The following USO1 variants were observed in gnomAD, a reference collection of about 807,000 sequenced individuals.
The protein encoded by USO1 is general vesicular transport factor p115.
In USO1, 57 loss-of-function variants were observed where a neutral mutation model predicts 124.5. The ratio of observed to expected loss-of-function variants is 0.46; its 90% CI spans 0.37 to 0.57. USO1 has a LOEUF of 0.57. Ranked by LOEUF, USO1 falls within the 20% of genes least tolerant of loss-of-function variation. USO1 has a pLI of 0.00. For missense variants in USO1, 900 were observed against 1,040.6 expected (o/e 0.86, Z 1.86); for synonymous variants, 369 against 362.8 (o/e 1.02, Z -0.19).
intron 13 of USO1, chr4:75,795,353 A>G: frequency 1.4e-6 from 1 of 702,364 alleles, no homozygotes; most frequent in South Asian, 1.5e-5. Context: ...AGATCGACAG[A>G]CGGGTATGTA....
Position 75,813,334 on chromosome 4 carries a change from C to T in USO1, c.*39C>T. On this transcript the variant is annotated 3_prime_UTR_variant, in exon 24 of 24. Transcript: ENST00000514213. Reference sequence around the variant, plus strand: ...AGGAACAATAGAGATTATATCATAACTCTGAAGATGGACTCTAAACTTTGG... The same window carrying T: ...AGGAACAATAGAGATTATATCATAATTCTGAAGATGGACTCTAAACTTTGG... The T allele has an allele frequency of 6.6e-7, 1 of 1,508,564 alleles. No individual in the cohort carries two copies. Among genetic ancestry groups the T allele is most frequent in the Non-Finnish European group, 8.8e-7 (1 of 1,132,474 alleles). The allele number at this position is 1,508,564 out of a possible 1,614,324, so 93.4% of individuals were successfully genotyped here. A position where few individuals can be genotyped will look rare whatever the true frequency, so the allele number is the denominator to read the frequency against.
chr4:75,725,012 C>G (rs758462112), intron 1 of USO1, 127 bp downstream of exon 1: 2 of 927,672 alleles, frequency 2.2e-6, no homozygotes, highest in Non-Finnish European at 3.3e-6. Context: ...CCGCCTCCCC[C>G]TTTGCCCTCC....
intron 1 of USO1, among the ~76,000 whole-genome samples, chr4:75,742,085 G>T (rs1338199252): frequency 1.3e-5 from 2 of 152,202 alleles, no homozygotes; most frequent in Non-Finnish European, 1.5e-5. Flanking sequence ...TGAAGGACCT[G>T]CCTGAGGCTG....
intron 1 of USO1, among the ~76,000 whole-genome samples, chr4:75,747,639 T>G (rs1721164377): frequency 1.5e-5 from 2 of 137,480 alleles, no homozygotes; most frequent in Non-Finnish European, 3.1e-5. Flanking sequence ...AGATGGAGTC[T>G]CGCTCTGTGG....
intron 17 of USO1, among the ~76,000 whole-genome samples, chr4:75,803,465 T>C (rs1003514215): frequency 6.6e-6 from 1 of 151,936 alleles, no homozygotes; most frequent in Non-Finnish European, 1.5e-5. Flanking sequence ...CTGGCCAACA[T>C]GGTGAAACCC....
At chr4:75,750,896 C>A (rs974013585) in intron 1 of USO1, among the ~76,000 whole-genome samples, 81,223 of 152,008 alleles carry the variant, frequency 0.53, 23,438 homozygotes, top group East Asian at 0.81. Flanking sequence ...TTTCCAAATT[C>A]TTTTTTAATG....
intron 21 of USO1, among the ~76,000 whole-genome samples, chr4:75,810,071 G>T (rs1490854668): frequency 6.6e-6 from 1 of 152,176 alleles, no homozygotes; most frequent in Non-Finnish European, 1.5e-5. Context: ...CCTATCTAGG[G>T]TGGTAGTATG....
At chr4:75,783,960 A>G (rs1209418295) in intron 9 of USO1, among the ~76,000 whole-genome samples, 2 of 152,214 alleles carry the variant, frequency 1.3e-5, no homozygotes, top group Non-Finnish European at 2.9e-5. Context: ...TAGTTTTTTA[A>G]TGTTTTAGAA....
chr4:75,758,550 A>G (rs1026657317), intron 4 of USO1, among the ~76,000 whole-genome samples: 3 of 152,236 alleles, frequency 2.0e-5, no homozygotes, highest in African/African-American at 7.2e-5. Flanking sequence ...ATCATGTTGC[A>G]TAGTCACAAT....
chr4:75,784,715 C>T (rs1237588086), intron 9 of USO1, among the ~76,000 whole-genome samples: 2 of 151,444 alleles, frequency 1.3e-5, no homozygotes, highest in Non-Finnish European at 2.9e-5. Flanking sequence ...CACTTAAGCC[C>T]AGGAGGTTGA....
intron 1 of USO1, among the ~76,000 whole-genome samples, chr4:75,736,573 G>A (rs1003337989): frequency 7.9e-5 from 12 of 152,016 alleles, no homozygotes; most frequent in African/African-American, 2.9e-4. Flanking sequence ...AAAGTTCTGG[G>A]ACTACAGGCG....
chr4:75,726,306 T>A (rs1047144625), intron 1 of USO1, among the ~76,000 whole-genome samples: 91 of 127,612 alleles, frequency 7.1e-4, no homozygotes, highest in Non-Finnish European at 8.2e-5. Flanking sequence ...AAAAAAGGGG[T>A]GAAGTAACTT....
At chr4:75,747,207 T>G (rs1367151555) in intron 1 of USO1, among the ~76,000 whole-genome samples, 2 of 152,154 alleles carry the variant, frequency 1.3e-5, no homozygotes, top group African/African-American at 2.4e-5. Flanking sequence ...AAAAGGCCAT[T>G]TTGGTGCTTG....
intron 8 of USO1, among the ~76,000 whole-genome samples, chr4:75,781,360 GACA>G (rs1722216459): frequency 6.6e-6 from 1 of 152,174 alleles, no homozygotes; most frequent in African/African-American, 2.4e-5. Flanking sequence ...TTGGTGAAAT[GACA>G]ACAAAGGATT....
chr4:75,740,186 G>A (rs943131745), intron 1 of USO1, among the ~76,000 whole-genome samples: 4 of 152,132 alleles, frequency 2.6e-5, no homozygotes, highest in Non-Finnish European at 4.4e-5. Flanking sequence ...TTTTAAAAAG[G>A]TGTCTTTAAA....
intron 20 of USO1, 130 bp downstream of exon 20, chr4:75,806,702 GA>G: frequency 8.3e-7 from 1 of 1,210,294 alleles, no homozygotes; most frequent in South Asian, 1.7e-5. Context: ...ACAGCCATTT[GA>G]AAATCCAGAA....
intron 3 of USO1, among the ~76,000 whole-genome samples, chr4:75,755,649 G>T (rs1721421305): frequency 6.6e-6 from 1 of 152,088 alleles, no homozygotes; most frequent in South Asian, 2.1e-4. Flanking sequence ...AAGCCACTAA[G>T]TCTAATGCAT....
intron 3 of USO1, chr4:75,755,583 G>C (rs1431254537): frequency 2.1e-6 from 1 of 481,180 alleles, no homozygotes; most frequent in African/African-American, 2.0e-5. Flanking sequence ...GTCCATAACA[G>C]TTAGGACCTT....
At chr4:75,729,966 T>C in intron 1 of USO1, 1 of 402,626 alleles carries the variant, frequency 2.5e-6, no homozygotes, top group Non-Finnish European at 4.9e-6. Context: ...TATACCATGT[T>C]ACTATAAATG....
Sources: gnomAD v4.1 joint callset for allele counts (sites outside exome capture counted in the v4.1 genomes callset) on GRCh38, gnomAD v4.1.1 for gene constraint, MANE v1.5 for transcripts, NCBI Gene and HGNC (gene_info 2026-07-23, HGNC 2026-07-21) for gene names.